RARS2: variants seen among roughly 807,000 people sequenced by gnomAD.
RARS2 encodes the protein probable arginine--tRNA ligase, mitochondrial.
A neutral mutation model predicts 88.5 loss-of-function variants in RARS2; 67 were observed. That is an observed-to-expected ratio of 0.76 (90% confidence interval 0.62 to 0.93). The LOEUF is 0.93. Ranked by LOEUF, RARS2 falls within the 40% of genes least tolerant of loss-of-function variation. The probability of loss-of-function intolerance (pLI) is 0.00; values close to 1 mark genes in which losing one functional copy is unlikely to be tolerated. For synonymous variants in RARS2, 239 were observed against 230.3 expected (o/e 1.04, Z -0.34); for missense variants, 664 against 684.2 (o/e 0.97, Z 0.33).
intron 1 of RARS2, among the ~76,000 whole-genome samples, chr6:87,586,098 C>T (rs906064229): frequency 2.6e-5 from 4 of 152,106 alleles, no homozygotes; most frequent in African/African-American, 4.8e-5. Context: ...TGTCACCTTT[C>T]TTGATACATG....
chr6:87,568,645 C>T (rs1476707224), intron 2 of RARS2, among the ~76,000 whole-genome samples: 1 of 152,220 alleles, frequency 6.6e-6, no homozygotes, highest in Non-Finnish European at 1.5e-5. Flanking sequence ...GCCTCTCTTA[C>T]AGAAAGTCAA....
At chr6:87,525,857 G>T (rs1192560412) in intron 10 of RARS2, among the ~76,000 whole-genome samples, 2 of 151,506 alleles carry the variant, frequency 1.3e-5, no homozygotes, top group African/African-American at 4.8e-5. Flanking sequence ...AATATCAGTA[G>T]CATTTCTATA....
At chr6:87,573,724 GGGATA>G (rs778252668) in intron 1 of RARS2, among the ~76,000 whole-genome samples, 5 of 152,024 alleles carry the variant, frequency 3.3e-5, no homozygotes, top group Non-Finnish European at 2.9e-5. Context: ...GAAGACTTCC[GGGATA>G]AAGTAGTGAA....
chr6:87,584,627 C>A, intron 1 of RARS2: 1 of 407,582 alleles, frequency 2.5e-6, no homozygotes, highest in South Asian at 1.8e-5. Flanking sequence ...TTATTAAGTG[C>A]TCCATGGTAA....
At chr6:87,515,519 C>CAA (rs879642714) in intron 18 of RARS2, among the ~76,000 whole-genome samples, 4 of 127,558 alleles carry the variant, frequency 3.1e-5, no homozygotes, top group African/African-American at 8.7e-5. Context: ...GACTCTGTCT[C>CAA]AAAAAAAAAA....
At chr6:87,524,716 TC>T in intron 10 of RARS2, 64 bp from the exon 11 acceptor site, 1 of 1,193,774 alleles carries the variant, frequency 8.4e-7, no homozygotes, top group South Asian at 1.2e-5. Context: ...AATTTTAATA[TC>T]TAAAACATTA....
chr6:87,539,569 C>G (rs1780256360), intron 8 of RARS2, among the ~76,000 whole-genome samples: 1 of 152,160 alleles, frequency 6.6e-6, no homozygotes, highest in African/African-American at 2.4e-5. Context: ...TTCCTTTGTT[C>G]TCCCCTGCCT....
chr6:87,514,313 A>C lies in RARS2; in HGVS notation c.*100T>G, dbSNP rs76333364. 3.0e-6 allele frequency: 1 copy of C among 329,254 alleles called. No homozygotes were observed. Among genetic ancestry groups the C allele is most frequent in the Admixed American group, 9.5e-5 (1 of 10,544 alleles). The allele number at this position is 329,254 out of a possible 1,614,324, so 20.4% of individuals were successfully genotyped here. ...GCAACAAGAGCGAAACTCCATCTCA[A>C]AAAAAAAAAAAAAAAATTTAAATTT... On this transcript the variant is annotated 3_prime_UTR_variant, in exon 20 of 20. Coordinates refer to ENST00000369536, the MANE Select transcript of RARS2 (RefSeq NM_020320.5).
In RARS2 at chr6:87,545,485, G is replaced by GAAA. The variant is rs67446155; in HGVS notation, c.535+128_535+130dup. 1.8e-4 allele frequency: 177 copies of GAAA among 980,288 alleles called. No homozygotes were observed. In the African/African-American group the frequency reaches 2.1e-3, roughly 12 times the overall value. 60.7% of individuals were successfully genotyped at this position (980,288 alleles called of 1,614,324 possible). On this transcript the variant is annotated intron_variant, in intron 7 of 19. Coordinates refer to ENST00000369536, the MANE Select transcript of RARS2 (RefSeq NM_020320.5). ...GATTTTATGCAAAAGAGCCATTAGGGAAAAAAAAAAAAAAATAGGTAGGAC... is the reference window on the plus strand; with the variant it reads ...GATTTTATGCAAAAGAGCCATTAGGGAAAAAAAAAAAAAAAAAATAGGTAGGAC...
At chr6:87,534,533 T>C (rs1199799110) in intron 8 of RARS2, among the ~76,000 whole-genome samples, 1 of 152,204 alleles carries the variant, frequency 6.6e-6, no homozygotes, top group Non-Finnish European at 1.5e-5. Flanking sequence ...TGTCAGATAT[T>C]TACTCAGCTA....
intron 4 of RARS2, among the ~76,000 whole-genome samples, chr6:87,557,074 C>A (rs891876952): frequency 1.3e-5 from 2 of 152,090 alleles, no homozygotes; most frequent in African/African-American, 4.8e-5. Flanking sequence ...CAGTACATAA[C>A]AATCGACATT....
At position 87,570,123 on chromosome 6, in the gene RARS2, G is replaced by A. The variant is rs191521452; in HGVS notation, c.37-533C>T. ...AAATAACAGGGAAAATGTGATCCCC[G>A]TCCCTATCAAAGGCTTAATCATTAG... On this transcript the variant is annotated intron_variant, in intron 1 of 19. Transcript: ENST00000369536. Among the ~76,000 whole-genome samples the A allele has an allele frequency of 1.2e-4, 18 of 152,148 alleles. No individual in the cohort carries two copies. In the East Asian group the frequency reaches 2.3e-3, roughly 20 times the overall value.
At chr6:87,571,944 T>C (rs1410977605) in intron 1 of RARS2, among the ~76,000 whole-genome samples, 1 of 152,202 alleles carries the variant, frequency 6.6e-6, no homozygotes, top group African/African-American at 2.4e-5. Context: ...CTGTATTCCT[T>C]ACTAAAAAGT....
rs1987322481 is a variant in RARS2 at position 87,514,836 on chromosome 6, A to T, written c.1650+121T>A. 8 of 823,184 alleles carry T rather than the reference A, an allele frequency of 9.7e-6. No individual in the cohort carries two copies. The South Asian group carries it at 1.1e-4, about 11-fold the overall frequency. 51.0% of individuals were successfully genotyped at this position (823,184 alleles called of 1,614,324 possible). A position where few individuals can be genotyped will look rare whatever the true frequency, so the allele number is the denominator to read the frequency against. ...GATTGTTACAGCCTAATTATTAGCT[A>T]AGGAAGTATACTGCTACAGTTGAAC... On this transcript the variant is annotated intron_variant, in intron 19 of 19. Coordinates refer to ENST00000369536, the MANE Select transcript of RARS2 (RefSeq NM_020320.5).
chr6:87,569,729 ATTC>A, intron 1 of RARS2, 139 bp from the exon 2 acceptor site: 14 of 735,708 alleles, frequency 1.9e-5, no homozygotes, highest in Admixed American at 1.9e-4. Context: ...AGGAAGCCAG[ATTC>A]AAAAAGGTAT....
intron 1 of RARS2, among the ~76,000 whole-genome samples, chr6:87,573,091 T>C (rs1342853631): frequency 6.6e-6 from 1 of 152,170 alleles, no homozygotes; most frequent in African/African-American, 2.4e-5. Context: ...TATAAAGACA[T>C]AACTGAGACT....
At chr6:87,519,177 A>ATGT (rs1772889786) in intron 14 of RARS2, 13 of 208,322 alleles carry the variant, frequency 6.2e-5, no homozygotes, top group South Asian at 6.0e-4. Context: ...TATATATATA[A>ATGT]ATATATATGT....
intron 2 of RARS2, among the ~76,000 whole-genome samples, chr6:87,565,700 T>G (rs1174227270): frequency 6.6e-6 from 1 of 152,214 alleles, no homozygotes; most frequent in African/African-American, 2.4e-5. Flanking sequence ...AAAAAAAATT[T>G]TTTTAATCAA....
At chr6:87,582,848 T>C (rs1259060414) in intron 1 of RARS2, among the ~76,000 whole-genome samples, 3 of 152,206 alleles carry the variant, frequency 2.0e-5, no homozygotes, top group African/African-American at 4.8e-5. Context: ...GTCTTCCTGC[T>C]CACCATTAGC....
Sources: allele counts gnomAD v4.1 joint callset (sites outside exome capture counted in the v4.1 genomes callset), GRCh38; gene constraint gnomAD v4.1.1; transcripts MANE v1.5; gene names NCBI Gene and HGNC (gene_info 2026-07-23, HGNC 2026-07-21).